SFMBT2: variants seen among roughly 807,000 people sequenced by gnomAD.
SFMBT2 encodes Scm like with four mbt domains 2, also known as scm-like with four MBT domains protein 2.
SFMBT2 carries 38 observed loss-of-function variants against 110.1 expected under a neutral mutation model. The observed-to-expected ratio is 0.35, with a 90% CI of 0.27 to 0.45. The LOEUF (loss-of-function observed/expected upper bound fraction) is 0.45, where lower values mean the gene tolerates loss of function less well. SFMBT2 is among the 20% of genes least tolerant of loss of function. SFMBT2 has a pLI of 1.00. For synonymous variants in SFMBT2, 425 were observed against 425.4 expected, an observed-to-expected ratio of 1.00 and a Z score of 0.01; for missense variants, 1,011 against 1,094.9, an observed-to-expected ratio of 0.92 and a Z score of 1.08.
chr10:7,213,476 T>C (rs1588345113), intron 11 of SFMBT2, among the ~76,000 whole-genome samples: 1 of 150,890 alleles, frequency 6.6e-6, no homozygotes, highest in Non-Finnish European at 1.5e-5. Context: ...GGGGTGGTGG[T>C]GGGAGGGCAG....
intron 9 of SFMBT2, among the ~76,000 whole-genome samples, chr10:7,238,690 T>C (rs958682358): frequency 2.6e-5 from 4 of 152,240 alleles, no homozygotes; most frequent in African/African-American, 9.6e-5. Flanking sequence ...AGCCAATTAC[T>C]TCAGCCTTTG....
intron 1 of SFMBT2, among the ~76,000 whole-genome samples, chr10:7,396,066 C>A (rs1845918103): frequency 6.6e-6 from 1 of 152,132 alleles, no homozygotes; most frequent in Non-Finnish European, 1.5e-5. Flanking sequence ...GAAACCCTGC[C>A]TCTACTAAAA....
chr10:7,177,020 T>C (rs921854208), intron 16 of SFMBT2, among the ~76,000 whole-genome samples: 25 of 152,176 alleles, frequency 1.6e-4, no homozygotes, highest in African/African-American at 5.8e-4. Context: ...CTCCTCTAGG[T>C]TGGGATGGTG....
At chr10:7,322,305 C>T (rs757472333) in intron 4 of SFMBT2, among the ~76,000 whole-genome samples, 9 of 152,132 alleles carry the variant, frequency 5.9e-5, no homozygotes, top group Non-Finnish European at 7.3e-5. Flanking sequence ...GTGAGGCCTC[C>T]CCAGCCATGT....
At chr10:7,389,038 G>A (rs191243155) in intron 1 of SFMBT2, among the ~76,000 whole-genome samples, 13 of 152,328 alleles carry the variant, frequency 8.5e-5, no homozygotes, top group East Asian at 7.7e-4. Context: ...ACAGAACGCC[G>A]TAGAAATTAT....
chr10:7,194,498 T>G (rs978962173), intron 15 of SFMBT2, among the ~76,000 whole-genome samples: 3 of 152,170 alleles, frequency 2.0e-5, no homozygotes, highest in African/African-American at 7.2e-5. Context: ...CCGCTCTCAC[T>G]GCACATCTCC....
At chr10:7,244,522 T>C (rs1840544811) in intron 8 of SFMBT2, among the ~76,000 whole-genome samples, 1 of 152,164 alleles carries the variant, frequency 6.6e-6, no homozygotes, top group Non-Finnish European at 1.5e-5. Flanking sequence ...ACGGGATAAA[T>C]GTCCACTGAA....
rs1394407749 is a variant in SFMBT2 at position 7,389,936 on chromosome 10, T to C, written c.-51-7987A>G. Among the ~76,000 whole-genome samples the C allele has an allele frequency of 3.3e-5, 5 of 152,360 alleles. No homozygotes were observed. The South Asian group carries it at 6.2e-4, about 19-fold the overall frequency. On this transcript the variant is annotated intron_variant, in intron 1 of 20. Coordinates refer to ENST00000397167, the MANE Select transcript of SFMBT2 (RefSeq NM_001387889.1). ...TTTCACTTGAGGTATAGTCAAAGAA[T>C]AGAGTAATGCTAGCACAGGCTAAGC...
intron 1 of SFMBT2, among the ~76,000 whole-genome samples, chr10:7,401,942 A>G (rs987736608): frequency 1.3e-5 from 2 of 152,164 alleles, no homozygotes; most frequent in Admixed American, 1.3e-4. Flanking sequence ...ACGGTCTCCT[A>G]CGAATGTCTG....
At chr10:7,211,984 C>G (rs1445779357) in intron 11 of SFMBT2, among the ~76,000 whole-genome samples, 1 of 152,172 alleles carries the variant, frequency 6.6e-6, no homozygotes, top group African/African-American at 2.4e-5. Flanking sequence ...CTGAACCACA[C>G]CATGCATTCC....
At chr10:7,314,857 G>A (rs1842940866) in intron 4 of SFMBT2, among the ~76,000 whole-genome samples, 1 of 151,558 alleles carries the variant, frequency 6.6e-6, no homozygotes, top group South Asian at 2.1e-4. Flanking sequence ...GCAGTGAGCC[G>A]AGATCGTGTC....
At chr10:7,200,919 CG>C in intron 13 of SFMBT2, 1 of 785,418 alleles carries the variant, frequency 1.3e-6, no homozygotes, top group Non-Finnish European at 1.5e-6. Flanking sequence ...TCCGGGCCCG[CG>C]GGAGTCATGG....
At chr10:7,199,719 A>T (rs777522755) in intron 14 of SFMBT2, among the ~76,000 whole-genome samples, 1 of 152,210 alleles carries the variant, frequency 6.6e-6, no homozygotes, top group African/African-American at 2.4e-5. Context: ...AGTTAAAGCT[A>T]CTTATAAAAC....
intron 5 of SFMBT2, chr10:7,285,201 T>C (rs1260313926): frequency 6.6e-6 from 1 of 152,222 alleles, no homozygotes; most frequent in African/African-American, 2.4e-5. Flanking sequence ...ACAGTGCCTT[T>C]CTCTTCCTGT....
chr10:7,261,868 G>C (rs1409154031), intron 7 of SFMBT2, among the ~76,000 whole-genome samples: 1 of 152,218 alleles, frequency 6.6e-6, no homozygotes, highest in African/African-American at 2.4e-5. Flanking sequence ...ATTGAGACAG[G>C]CAGATTCAAA....
chr10:7,318,932 C>T (rs1213476875), intron 4 of SFMBT2, among the ~76,000 whole-genome samples: 1 of 152,158 alleles, frequency 6.6e-6, no homozygotes, highest in Non-Finnish European at 1.5e-5. Flanking sequence ...GAAGGGTGTT[C>T]CAGGCAGAGA....
intron 11 of SFMBT2, among the ~76,000 whole-genome samples, chr10:7,214,944 T>C (rs1369413813): frequency 6.6e-6 from 1 of 152,230 alleles, no homozygotes; most frequent in African/African-American, 2.4e-5. Context: ...AAGAGCTAAA[T>C]AACTCAGAAG....
At chr10:7,234,847 A>G (rs1036470293) in intron 9 of SFMBT2, among the ~76,000 whole-genome samples, 10 of 152,256 alleles carry the variant, frequency 6.6e-5, no homozygotes, top group African/African-American at 2.4e-4. Context: ...AGCAGTGAGC[A>G]GCTCACAGAG....
intron 2 of SFMBT2, among the ~76,000 whole-genome samples, chr10:7,377,168 C>CAA (rs58212127): frequency 7.2e-5 from 6 of 83,824 alleles, no homozygotes; most frequent in Admixed American, 1.4e-4. Context: ...GACTCCATCT[C>CAA]AAAAAAAAAA....
Sources: gnomAD v4.1 joint callset for allele counts (sites outside exome capture counted in the v4.1 genomes callset) on GRCh38, gnomAD v4.1.1 for gene constraint, MANE v1.5 for transcripts, NCBI Gene and HGNC (gene_info 2026-07-23, HGNC 2026-07-21) for gene names.